UBE2D4: variants seen among roughly 807,000 people sequenced by gnomAD.
UBE2D4 encodes the protein ubiquitin-conjugating enzyme E2 D4.
Under a neutral mutation model 23.0 loss-of-function variants are expected in UBE2D4, and 17 were observed. The ratio of observed to expected loss-of-function variants is 0.74; its 90% CI spans 0.51 to 1.11. UBE2D4 has a LOEUF of 1.11. UBE2D4 is among the 50% of genes least tolerant of loss of function. UBE2D4 has a pLI of 0.00. For missense variants in UBE2D4, 139 were observed against 181.8 expected, an observed-to-expected ratio of 0.76 and a Z score of 1.35; for synonymous variants, 61 against 69.4, an observed-to-expected ratio of 0.88 and a Z score of 0.60.
intron 1 of UBE2D4, among the ~76,000 whole-genome samples, chr7:43,932,281 A>G (rs558902103): frequency 6.6e-6 from 1 of 152,226 alleles, no homozygotes; most frequent in South Asian, 2.1e-4. Context: ...AAAGTGAGCC[A>G]CTGTGCCTGG....
chr7:43,938,547 C>T, intron 2 of UBE2D4, 53 bp downstream of exon 2: 3 of 1,572,788 alleles, frequency 1.9e-6, no homozygotes, highest in South Asian at 2.2e-5. Flanking sequence ...TAAGACCCCC[C>T]AACTTAGGCC....
At chr7:43,949,070 A>G (rs967312939) in intron 5 of UBE2D4, 1 of 397,586 alleles carries the variant, frequency 2.5e-6, no homozygotes, top group Non-Finnish European at 4.5e-6. Flanking sequence ...CTGTTCCCTC[A>G]TTTATTCATC....
chr7:43,937,565 G>A (rs984122233), intron 1 of UBE2D4, among the ~76,000 whole-genome samples: 1 of 152,250 alleles, frequency 6.6e-6, no homozygotes, highest in Non-Finnish European at 1.5e-5. Flanking sequence ...ACTGGTAGAT[G>A]TTTAAAGATC....
chr7:43,935,116 A>C (rs1410622792), intron 1 of UBE2D4, among the ~76,000 whole-genome samples: 1 of 152,194 alleles, frequency 6.6e-6, no homozygotes, highest in Non-Finnish European at 1.5e-5. Context: ...TGTATTATAC[A>C]TTTTATATGT....
At position 43,939,046 on chromosome 7, in the gene UBE2D4, G is replaced by A. The variant is rs60657518; in HGVS notation, c.88+552G>A. On this transcript the variant is annotated intron_variant, in intron 2 of 6. Coordinates refer to ENST00000222402, the MANE Select transcript of UBE2D4 (RefSeq NM_015983.4). Reference sequence around the variant, plus strand: ...ATAGTCACCGCTTCCCTCTTCTGGCGCATGAGAAAGCCAGCTTGGCCTGAG... The same window carrying A: ...ATAGTCACCGCTTCCCTCTTCTGGCACATGAGAAAGCCAGCTTGGCCTGAG... Among the ~76,000 whole-genome samples, 1,442 of 152,274 alleles carry A rather than the reference G, an allele frequency of 9.5e-3. 17 individuals carry two copies. Among genetic ancestry groups the A allele is most frequent in the African/African-American group, 0.031 (1,287 of 41,546 alleles).
chr7:43,931,752 G>A (rs1431757953), intron 1 of UBE2D4, among the ~76,000 whole-genome samples: 1 of 152,128 alleles, frequency 6.6e-6, no homozygotes, highest in Non-Finnish European at 1.5e-5. Context: ...AGGCTGGAGT[G>A]CAGTGGTGCA....
In UBE2D4 at chr7:43,948,894, C is replaced by T. The variant is rs564672926; in HGVS notation, c.304+157C>T. On this transcript the variant is annotated intron_variant, in intron 5 of 6. Coordinates refer to ENST00000222402, the MANE Select transcript of UBE2D4 (RefSeq NM_015983.4). Reference sequence around the variant, plus strand: ...CCCTTAAGTGGATATCCTTACACGCCTACGAGGCAGCACCAGCAGAACTTT... The same window carrying T: ...CCCTTAAGTGGATATCCTTACACGCTTACGAGGCAGCACCAGCAGAACTTT... 8.3e-6 allele frequency: 5 copies of T among 603,106 alleles called. No individual in the cohort carries two copies. The South Asian group carries it at 1.0e-4, about 12-fold the overall frequency. 37.4% of individuals were successfully genotyped at this position (603,106 alleles called of 1,614,324 possible). A position where few individuals can be genotyped will look rare whatever the true frequency, so the allele number is the denominator to read the frequency against.
chr7:43,937,535 C>T (rs80107327), intron 1 of UBE2D4, among the ~76,000 whole-genome samples: 3 of 152,134 alleles, frequency 2.0e-5, no homozygotes, highest in Admixed American at 6.5e-5. Flanking sequence ...AGATACTAAT[C>T]GAGAATTGGC....
chr7:43,947,420 C>A (rs1311304143), intron 4 of UBE2D4, among the ~76,000 whole-genome samples: 31 of 152,138 alleles, frequency 2.0e-4, no homozygotes, highest in Admixed American at 2.0e-3. Flanking sequence ...TGTGAGCCAC[C>A]ATGCCTGGCC....
chr7:43,936,406 T>A lies in UBE2D4; in HGVS notation c.25-2025T>A, dbSNP rs140704380. ...AATACTTTAACTTACTTTCTCTTTT[T>A]CGGAACTTCTCACTTTTATCATTGT... On this transcript the variant is annotated intron_variant, in intron 1 of 6. Coordinates refer to ENST00000222402, the MANE Select transcript of UBE2D4 (RefSeq NM_015983.4). Among the ~76,000 whole-genome samples the A allele has an allele frequency of 4.5e-4, 68 of 152,296 alleles. 1 individual carries two copies. In the East Asian group the frequency reaches 0.011, roughly 24 times the overall value.
At chr7:43,942,931 C>T (rs764753234) in intron 3 of UBE2D4, 23 bp from the exon 4 acceptor site, 5 of 1,614,034 alleles carry the variant, frequency 3.1e-6, no homozygotes, top group Admixed American at 1.7e-5. Context: ...GCACTGATCT[C>T]TTTCTGTGTC....
chr7:43,943,055 CTGA>C, intron 4 of UBE2D4, 24 bp downstream of exon 4: 2 of 1,609,140 alleles, frequency 1.2e-6, no homozygotes, highest in South Asian at 2.2e-5. Context: ...CCCAACTCCC[CTGA>C]TGTTTGGATG....
At position 43,955,245 on chromosome 7, in the gene UBE2D4, G is replaced by A. The variant is rs2096011009; in HGVS notation, c.*2550G>A. ...AGCCATGCTTCCAAGGAAGGTCTCA[G>A]GTTGACAACTAGACATCAAATCTGA... On this transcript the variant is annotated 3_prime_UTR_variant, in exon 7 of 7. Coordinates refer to ENST00000222402, the MANE Select transcript of UBE2D4 (RefSeq NM_015983.4). 6.6e-6 allele frequency: 1 copy of A among 152,134 alleles called. No individual in the cohort carries two copies. The highest frequency in any genetic ancestry group is 1.5e-5 in the Non-Finnish European group (1 of 68,028). The allele number at this position is 152,134 out of a possible 1,614,324, so 9.4% of individuals were successfully genotyped here. A position where few individuals can be genotyped will look rare whatever the true frequency, so the allele number is the denominator to read the frequency against.
chr7:43,929,105 A>G (rs1214165417), intron 1 of UBE2D4, among the ~76,000 whole-genome samples: 2 of 152,104 alleles, frequency 1.3e-5, no homozygotes, highest in Non-Finnish European at 2.9e-5. Flanking sequence ...CAACTGGGCA[A>G]CACAGCAAAA....
chr7:43,948,443 C>T (rs2095993445), intron 4 of UBE2D4, among the ~76,000 whole-genome samples, 189 bp from the exon 5 acceptor site: 1 of 152,202 alleles, frequency 6.6e-6, no homozygotes, highest in Non-Finnish European at 1.5e-5. Flanking sequence ...GGTCAGGGAA[C>T]TTCTGGGTGA....
rs942549691 is a variant in UBE2D4, at chr7:43,944,984, A to T, written c.198+1953A>T. On this transcript the variant is annotated intron_variant, in intron 4 of 6. Transcript: ENST00000222402. The surrounding 1 kb of genome is among the most constrained non-coding windows in gnomAD (Gnocchi z 4.0). Reference sequence around the variant, plus strand: ...AGGAGAAACAGTGATTATTATTATTATTTTTTAATTATTATTATTATTTTT... The same window carrying T: ...AGGAGAAACAGTGATTATTATTATTTTTTTTTAATTATTATTATTATTTTT... 8.6e-5 allele frequency: 13 copies of T among 152,030 alleles called. No homozygotes were observed. Among genetic ancestry groups the T allele is most frequent in the South Asian group, 4.2e-4 (2 of 4,806 alleles). 9.4% of individuals were successfully genotyped at this position (152,030 alleles called of 1,614,324 possible). A position where few individuals can be genotyped will look rare whatever the true frequency, so the allele number is the denominator to read the frequency against.
intron 6 of UBE2D4, among the ~76,000 whole-genome samples, chr7:43,951,388 A>T (rs553808359): frequency 6.6e-6 from 1 of 152,360 alleles, no homozygotes; most frequent in East Asian, 1.9e-4. Context: ...CAGGGGCCGC[A>T]GTCCAGTGAG....
intron 6 of UBE2D4, among the ~76,000 whole-genome samples, chr7:43,951,496 T>C (rs2096002386): frequency 6.6e-6 from 1 of 152,240 alleles, no homozygotes; most frequent in Non-Finnish European, 1.5e-5. Context: ...TACTCATTAC[T>C]TCTTTTCTGT....
intron 6 of UBE2D4, chr7:43,951,991 C>T (rs2096003640): frequency 1.3e-5 from 2 of 151,928 alleles, no homozygotes; most frequent in African/African-American, 4.8e-5. Context: ...TTTTCAGTGC[C>T]TCTTGTAACT....
Sources: allele counts gnomAD v4.1 joint callset (sites outside exome capture counted in the v4.1 genomes callset), GRCh38; gene constraint gnomAD v4.1.1; non-coding constraint Gnocchi (gnomAD v3.1); transcripts MANE v1.5; gene names NCBI Gene and HGNC (gene_info 2026-07-23, HGNC 2026-07-21).